The following DSG2 variants were observed in gnomAD, a reference collection of about 807,000 sequenced individuals.
DSG2 encodes the protein desmoglein 2, also known as desmoglein-2.
DSG2 carries 45 observed loss-of-function variants against 75.6 expected under a neutral mutation model. That is an observed-to-expected ratio of 0.60 (90% CI 0.47 to 0.76). The LOEUF (loss-of-function observed/expected upper bound fraction) is 0.76, where lower values mean the gene tolerates loss of function less well. Ranked by LOEUF, DSG2 falls within the 30% of genes least tolerant of loss-of-function variation. The pLI is 0.00. For missense variants in DSG2, 1,267 were observed against 1,357.4 expected (o/e 0.93, Z 1.05); for synonymous variants, 429 against 483.9 (o/e 0.89, Z 1.49).
intron 1 of DSG2, among the ~76,000 whole-genome samples, chr18:31,499,028 C>T (rs2073000100): frequency 1.3e-5 from 2 of 149,840 alleles, no homozygotes; most frequent in East Asian, 2.0e-4. Context: ...CCGGAAACGA[C>T]GTTCAGTCCC....
intron 2 of DSG2, 52 bp from the exon 3 acceptor site, chr18:31,519,751 T>C: frequency 6.3e-7 from 1 of 1,580,876 alleles, no homozygotes; most frequent in Non-Finnish European, 8.7e-7. Context: ...AGCATACTAA[T>C]GTTCTATATT....
intron 1 of DSG2, among the ~76,000 whole-genome samples, chr18:31,506,936 T>A (rs1393430233): frequency 6.6e-6 from 1 of 152,206 alleles, no homozygotes; most frequent in Non-Finnish European, 1.5e-5. Flanking sequence ...TTTTCTTTTT[T>A]TTTAATTATA....
intron 1 of DSG2, among the ~76,000 whole-genome samples, chr18:31,517,687 G>A (rs1483127811): frequency 6.6e-6 from 1 of 152,188 alleles, no homozygotes; most frequent in Non-Finnish European, 1.5e-5. Flanking sequence ...ACTAGGTCAT[G>A]ATGAAGTCCC....
Position 31,536,498 on chromosome 18 carries a change from G to A in DSG2, c.1651+69G>A, listed in dbSNP as rs1211669211. On this transcript the variant is annotated intron_variant, in intron 11 of 14. Coordinates refer to ENST00000261590, the MANE Select transcript of DSG2 (RefSeq NM_001943.5). ...ATGATATCTAAAATATTTGTAAGTTGTATTTCTTCTCATAAATTATATTTC... is the reference window on the plus strand; with the variant it reads ...ATGATATCTAAAATATTTGTAAGTTATATTTCTTCTCATAAATTATATTTC... 2.1e-6 allele frequency: 3 copies of A among 1,437,214 alleles called. No individual in the cohort carries two copies. The African/African-American group carries it at 4.2e-5, about 20-fold the overall frequency. The allele number at this position is 1,437,214 out of a possible 1,614,324, so 89.0% of individuals were successfully genotyped here.
intron 11 of DSG2, among the ~76,000 whole-genome samples, chr18:31,536,980 G>A (rs1163709150): frequency 2.0e-5 from 3 of 152,184 alleles, no homozygotes; most frequent in Admixed American, 6.5e-5. Context: ...CAGTGGACAT[G>A]TCCATATGTC....
chr18:31,525,954 A>G (rs936125702), intron 8 of DSG2, among the ~76,000 whole-genome samples: 1 of 152,170 alleles, frequency 6.6e-6, no homozygotes, highest in Non-Finnish European at 1.5e-5. Context: ...CAGCCTGGCC[A>G]ACATGGTGAA....
At chr18:31,522,460 G>A (rs2073134601) in intron 6 of DSG2, 6 of 506,682 alleles carry the variant, frequency 1.2e-5, no homozygotes, top group South Asian at 5.0e-5. Context: ...GTAATGTGCT[G>A]TATGCACGTT....
intron 8 of DSG2, among the ~76,000 whole-genome samples, chr18:31,525,409 C>T (rs2073157467): frequency 6.6e-6 from 1 of 151,972 alleles, no homozygotes; most frequent in African/African-American, 2.4e-5. Context: ...GTCCCAGCTA[C>T]TAAAGAGGCT....
At chr18:31,508,220 T>C (rs981568576) in intron 1 of DSG2, among the ~76,000 whole-genome samples, 6 of 152,264 alleles carry the variant, frequency 3.9e-5, no homozygotes, top group African/African-American at 1.4e-4. Context: ...AAAGTTAAAC[T>C]AGAAGAAGAG....
chr18:31,518,969 A>C (rs1370434230), intron 2 of DSG2, among the ~76,000 whole-genome samples: 1 of 152,202 alleles, frequency 6.6e-6, no homozygotes, highest in Non-Finnish European at 1.5e-5. Flanking sequence ...ATGAAATGGG[A>C]AATTTAATTC....
chr18:31,498,319 G>A lies in DSG2; in HGVS notation c.45+23G>A, dbSNP rs1413050855. The A allele has an allele frequency of 4.8e-6, 6 of 1,256,486 alleles. No individual in the cohort carries two copies. The African/African-American group carries it at 7.7e-5, about 16-fold the overall frequency. The allele number at this position is 1,256,486 out of a possible 1,614,324, so 77.8% of individuals were successfully genotyped here. ...CTGGTAAGTGCCGCAAGCGGGACAG[G>A]GGAGCCACCGCCGGGGAGGGCGTCG... On this transcript the variant is annotated intron_variant, in intron 1 of 14. Coordinates refer to ENST00000261590, the MANE Select transcript of DSG2 (RefSeq NM_001943.5).
intron 10 of DSG2, 63 bp downstream of exon 10, chr18:31,535,475 A>G: frequency 7.2e-7 from 1 of 1,397,504 alleles, no homozygotes; most frequent in Non-Finnish European, 1.0e-6. Context: ...TTCCAACATC[A>G]GAAACCATTG....
intron 1 of DSG2, among the ~76,000 whole-genome samples, chr18:31,508,064 T>C (rs1224254153): frequency 6.6e-6 from 1 of 152,188 alleles, no homozygotes; most frequent in Non-Finnish European, 1.5e-5. Flanking sequence ...TTTTAGGTCT[T>C]ACATTTAAGT....
chr18:31,538,915 T>C lies in DSG2; in HGVS notation c.1816T>C (p.Ser606Pro). 1 of 1,614,168 alleles carries C rather than the reference T, an allele frequency of 6.2e-7. No individual in the cohort carries two copies. Among genetic ancestry groups the C allele is most frequent in the Non-Finnish European group, 8.5e-7 (1 of 1,180,040 alleles). ...CGGCTGCAGGGAAGCACAGCATGACTCCTATGTGGGCCTGGGACCCGCAGC... is the reference window on the plus strand; with the variant it reads ...CGGCTGCAGGGAAGCACAGCATGACCCCTATGTGGGCCTGGGACCCGCAGC... ...GSGCREAQHD[S>P]YVGLGPAAIA... The change falls in exon 12 of 15, where the codon TCC becomes CCC. Residue 606 changes from serine (S) to proline (P), a missense_variant. Coordinates refer to ENST00000261590, the MANE Select transcript of DSG2 (RefSeq NM_001943.5).
chr18:31,498,452 T>G (rs1229244964), intron 1 of DSG2, among the ~76,000 whole-genome samples, 156 bp downstream of exon 1: 1 of 151,792 alleles, frequency 6.6e-6, no homozygotes, highest in Non-Finnish European at 1.5e-5. Flanking sequence ...CCGGGCAGGC[T>G]GCGGCGAGAT....
In DSG2 at chr18:31,520,797, T is replaced by C. The variant is rs752395434; in HGVS notation, c.217-6T>C. 6.2e-7 allele frequency: 1 copy of C among 1,613,376 alleles called. No individual in the cohort carries two copies. Among genetic ancestry groups the C allele is most frequent in the Non-Finnish European group, 8.5e-7 (1 of 1,179,546 alleles). ...ACCTGAAACATTCCTGTTATTTTTA[T>C]GTTAGATACATTCTGATCTTGCAGA... On this transcript the variant is annotated splice_polypyrimidine_tract_variant and splice_region_variant and intron_variant, in intron 3 of 14. Coordinates refer to ENST00000261590, the MANE Select transcript of DSG2 (RefSeq NM_001943.5).
chr18:31,516,211 T>G (rs2073093550), intron 1 of DSG2, among the ~76,000 whole-genome samples: 1 of 152,088 alleles, frequency 6.6e-6, no homozygotes, highest in Admixed American at 6.6e-5. Flanking sequence ...AATGTATTGA[T>G]TAGCCAATGG....
chr18:31,511,715 G>A (rs2073068054), intron 1 of DSG2, among the ~76,000 whole-genome samples: 1 of 152,138 alleles, frequency 6.6e-6, no homozygotes, highest in Non-Finnish European at 1.5e-5. Flanking sequence ...ACTTTAAGAT[G>A]CACATCAATT....
At chr18:31,516,716 CCT>C (rs2073096469) in intron 1 of DSG2, among the ~76,000 whole-genome samples, 1 of 152,156 alleles carries the variant, frequency 6.6e-6, no homozygotes, top group Admixed American at 6.5e-5. Flanking sequence ...ACTGTGGCCT[CCT>C]CTAGCGATAT....
Sources: gnomAD v4.1 joint callset for allele counts (sites outside exome capture counted in the v4.1 genomes callset) on GRCh38, gnomAD v4.1.1 for gene constraint, MANE v1.5 for transcripts, NCBI Gene and HGNC (gene_info 2026-07-23, HGNC 2026-07-21) for gene names.